Variants in CEP295 observed in about 807,000 individuals in gnomAD.
CEP295 encodes the protein centrosomal protein 295.
Under a neutral mutation model 291.6 loss-of-function variants are expected in CEP295, and 190 were observed. That is an observed-to-expected ratio of 0.65 (90% CI 0.58 to 0.73). CEP295 has a LOEUF of 0.73. Ranked by LOEUF, CEP295 falls within the 30% of genes least tolerant of loss-of-function variation. The pLI, the probability that CEP295 is intolerant of heterozygous loss-of-function variation, is 0.00. For synonymous variants in CEP295, 993 were observed against 1,038.8 expected (o/e 0.96, Z 0.85); for missense variants, 2,863 against 2,949.4 (o/e 0.97, Z 0.68).
intron 10 of CEP295, among the ~76,000 whole-genome samples, chr11:93,690,581 A>G (rs1951476832): frequency 6.9e-6 from 1 of 144,468 alleles, no homozygotes; most frequent in Non-Finnish European, 1.5e-5. Context: ...AAAAAAAAAA[A>G]GTGAGCCAGG....
chr11:93,729,650 T>C lies in CEP295; in HGVS notation c.7436T>C (p.Leu2479Ser), dbSNP rs925821527. ...AGGCTTACACCTGTACCAGGGAGCTTACAAGAAGCATTTATAAAGAGGAAA... is the reference window on the plus strand; with the variant it reads ...AGGCTTACACCTGTACCAGGGAGCTCACAAGAAGCATTTATAAAGAGGAAA... ...PRRLTPVPGS[L>S]QEAFIKRKKS... The change falls in exon 27 of 30, where the codon TTA (leucine) becomes TCA (serine). Residue 2479 changes from leucine (L) to serine (S), a missense_variant. By Grantham distance (145) the Leu-to-Ser change is moderately radical. Transcript: ENST00000325212. The C allele has an allele frequency of 2.1e-5, 33 of 1,550,556 alleles. No individual in the cohort carries two copies. The highest frequency in any genetic ancestry group is 2.7e-5 in the Non-Finnish European group (31 of 1,146,766).
intron 9 of CEP295, among the ~76,000 whole-genome samples, chr11:93,687,179 G>C (rs2135000212): frequency 6.6e-6 from 1 of 152,276 alleles, no homozygotes; most frequent in African/African-American, 2.4e-5. Context: ...GGGAGCAGTT[G>C]ATTTGCTTTT....
At chr11:93,666,090 T>C (rs1442882829) in intron 1 of CEP295, among the ~76,000 whole-genome samples, 1 of 152,252 alleles carries the variant, frequency 6.6e-6, no homozygotes, top group East Asian at 1.9e-4. Flanking sequence ...CAGGTCCAGA[T>C]ACTCGAGGTA....
intron 15 of CEP295, among the ~76,000 whole-genome samples, chr11:93,702,131 G>A (rs1282496849): frequency 6.6e-6 from 1 of 151,982 alleles, no homozygotes; most frequent in Non-Finnish European, 1.5e-5. Context: ...GCCAATTTTT[G>A]TATTTTTAGT....
In CEP295 at chr11:93,725,721, T is replaced by C. The variant is rs1400225743; in HGVS notation, c.6389T>C (p.Leu2130Pro). 6.4e-7 allele frequency: 1 copy of C among 1,551,906 alleles called. No individual in the cohort carries two copies. The highest frequency in any genetic ancestry group is 1.4e-5 in the African/African-American group (1 of 73,188). ...LSKSTVYFTALRRTSMHSSLN... is the reference protein window; with the variant it reads ...LSKSTVYFTAPRRTSMHSSLN... The stretch of plus-strand genomic sequence containing the variant: ...AAAAGTACAGTTTATTTCACAGCAC[T>C]GAGGAGGACCAGCATGCATTCTTCT... The change falls in exon 23 of 30, where the codon CTG (leucine) becomes CCG (proline). Residue 2130 changes from leucine (L) to proline (P), a missense_variant. Physicochemically the swap from Leu to Pro is moderately conservative, Grantham distance 98. Transcript: ENST00000325212.
chr11:93,675,516 A>G (rs1950644610), intron 5 of CEP295, 55 bp from the exon 6 acceptor site: 1 of 928,356 alleles, frequency 1.1e-6, no homozygotes, highest in African/African-American at 1.7e-5. Flanking sequence ...CATTGGATTC[A>G]GCTTTAAGTG....
chr11:93,663,950 C>T (rs1320967387), intron 1 of CEP295, among the ~76,000 whole-genome samples: 2 of 152,046 alleles, frequency 1.3e-5, no homozygotes, highest in Non-Finnish European at 2.9e-5. Flanking sequence ...TTTCAGTACC[C>T]CAGCAAGCTT....
chr11:93,728,549 C>CA, intron 24 of CEP295, 132 bp from the exon 25 acceptor site: 1 of 635,324 alleles, frequency 1.6e-6, no homozygotes, highest in East Asian at 3.2e-5. Flanking sequence ...TGGTCTTTGC[C>CA]AATCATTGCT....
At chr11:93,679,594 A>G in intron 7 of CEP295, 42 bp downstream of exon 7, 1 of 1,521,702 alleles carries the variant, frequency 6.6e-7, no homozygotes, top group South Asian at 1.2e-5. Flanking sequence ...TCATGGACTT[A>G]CTAATAGCAT....
At chr11:93,661,929 G>A (rs937738931) in intron 1 of CEP295, among the ~76,000 whole-genome samples, 155 bp downstream of exon 1, 1 of 152,176 alleles carries the variant, frequency 6.6e-6, no homozygotes, top group African/African-American at 2.4e-5. Context: ...TCCGCAGGCC[G>A]TGGGCCCTGC....
chr11:93,692,073 G>T, intron 12 of CEP295, 43 bp downstream of exon 12: 3 of 1,076,716 alleles, frequency 2.8e-6, no homozygotes, highest in South Asian at 1.5e-5. Context: ...TTTCCCCTAG[G>T]TACTATTATA....
chr11:93,716,413 C>T (rs1163312841), intron 18 of CEP295, among the ~76,000 whole-genome samples: 1 of 152,234 alleles, frequency 6.6e-6, no homozygotes, highest in Non-Finnish European at 1.5e-5. Context: ...TTCAGTGCCT[C>T]TGTCAGCGAT....
In CEP295 at chr11:93,699,439, ACAG is replaced by A. The variant is rs1565186708; in HGVS notation, c.4531_4533del (p.Gln1511del). 2 of 1,551,762 alleles carry A rather than the reference ACAG, an allele frequency of 1.3e-6. No homozygotes were observed. Among genetic ancestry groups the A allele is most frequent in the Admixed American group, 3.9e-5 (2 of 51,006 alleles). ...ACCATGGTGATTTGCAGGCACTTCA[ACAG>A]CAGTTAGATACACAGAAGAAAGCCA... On this transcript the variant is annotated inframe_deletion, in exon 15 of 30. Transcript: ENST00000325212.
chr11:93,676,409 A>G (rs1950692998), intron 6 of CEP295, among the ~76,000 whole-genome samples: 1 of 151,976 alleles, frequency 6.6e-6, no homozygotes, highest in African/African-American at 2.4e-5. Context: ...TCTCTGTGTC[A>G]GTGGGGGTTT....
Position 93,699,085 on chromosome 11 carries a change from G to T in CEP295, c.4173G>T (p.Gln1391His). The T allele has an allele frequency of 4.5e-6, 7 of 1,547,344 alleles. No individual in the cohort carries two copies. The highest frequency in any genetic ancestry group is 5.2e-6 in the Non-Finnish European group (6 of 1,147,080). Reference protein sequence around the residue: ...SEWEGRISPEQVDTSSLPLVP... With the variant: ...SEWEGRISPEHVDTSSLPLVP... ...GGGAGGGAAGAATATCTCCCGAGCA[G>T]GTTGACACCTCTTCCTTACCCCTAG... Residue 1391 changes from glutamine to histidine, a missense_variant, in exon 15 of 30, where the codon CAG becomes CAT. Gln to His is a conservative substitution (Grantham distance 24). This residue lies in a region of CEP295 where 2,295 missense variants were observed against 2,335.7 expected (regional missense o/e 0.98). Transcript: ENST00000325212.
chr11:93,724,806 G>A (rs1954021788), intron 22 of CEP295, among the ~76,000 whole-genome samples: 1 of 151,856 alleles, frequency 6.6e-6, no homozygotes, highest in Admixed American at 6.6e-5. Flanking sequence ...AGAATCACAT[G>A]GAAAACTTAA....
chr11:93,662,387 T>C (rs1023983327), intron 1 of CEP295, among the ~76,000 whole-genome samples: 2 of 152,204 alleles, frequency 1.3e-5, no homozygotes, highest in African/African-American at 4.8e-5. Flanking sequence ...GTGACTTCAG[T>C]GACTTGGCCA....
In CEP295 at chr11:93,696,865, C is replaced by G. The variant is rs143558134; in HGVS notation, c.1953C>G (p.Leu651=). ...ISEHWDQGQR[L]KLSPNKYQPI... is the part of the protein sequence containing the mutation. Reference sequence around the variant, plus strand: ...AGCATTGGGATCAAGGTCAGAGACTCAAGTTGAGTCCTAACAAATACCAAC... The same window carrying G: ...AGCATTGGGATCAAGGTCAGAGACTGAAGTTGAGTCCTAACAAATACCAAC... Residue 651 remains leucine (L), a synonymous_variant, in exon 15 of 30, where the codon CTC becomes CTG. Coordinates refer to ENST00000325212, the MANE Select transcript of CEP295 (RefSeq NM_033395.2). The G allele has an allele frequency of 2.8e-4, 429 of 1,551,750 alleles. 2 individuals carry two copies. The African/African-American group carries it at 4.8e-3, about 18-fold the overall frequency.
chr11:93,683,628 G>C lies in CEP295; in HGVS notation c.835G>C (p.Val279Leu), dbSNP rs1248094166. Reference sequence around the variant, plus strand: ...GGACCTGGCACGTAGGAGACAGACTGTAGCACAAATGCCACCACAACTAGT... The same window carrying C: ...GGACCTGGCACGTAGGAGACAGACTCTAGCACAAATGCCACCACAACTAGT... ...QEDLARRRQT[V>L]AQMPPQLVEL... The change falls in exon 8 of 30, where the codon GTA (valine) becomes CTA (leucine). Residue 279 changes from valine to leucine, a missense_variant. Physicochemically the swap from Val to Leu is conservative, Grantham distance 32. Coordinates refer to ENST00000325212, the MANE Select transcript of CEP295 (RefSeq NM_033395.2). 1.3e-6 allele frequency: 2 copies of C among 1,549,808 alleles called. No individual in the cohort carries two copies. The highest frequency in any genetic ancestry group is 2.4e-5 in the South Asian group (2 of 83,426).
Sources: allele counts gnomAD v4.1 joint callset (sites outside exome capture counted in the v4.1 genomes callset), GRCh38; gene constraint gnomAD v4.1.1; regional missense constraint gnomAD v4.1.1; transcripts MANE v1.5; gene names NCBI Gene and HGNC (gene_info 2026-07-23, HGNC 2026-07-21).